Variants in USP18 observed in about 807,000 individuals in gnomAD.
USP18 encodes the protein ubiquitin specific peptidase 18, also known as ubl carboxyl-terminal hydrolase 18.
Under a neutral mutation model 48.7 loss-of-function variants are expected in USP18, and 11 were observed. That is an observed-to-expected ratio of 0.23 (90% CI 0.14 to 0.37). The LOEUF is 0.37. Ranked by LOEUF, USP18 falls within the 10% of genes least tolerant of loss-of-function variation. The probability of loss-of-function intolerance (pLI) is 1.00; values close to 1 mark genes in which losing one functional copy is unlikely to be tolerated. For missense variants in USP18, 285 were observed against 436.4 expected, an observed-to-expected ratio of 0.65 and a Z score of 3.09; for synonymous variants, 114 against 163.2, an observed-to-expected ratio of 0.70 and a Z score of 2.30.
intron 4 of USP18, among the ~76,000 whole-genome samples, chr22:18,163,183 G>A (rs868543169): frequency 5.9e-4 from 89 of 152,070 alleles, no homozygotes; most frequent in African/African-American, 2.1e-3. Context: ...GACATGGTAA[G>A]CATCTTCATG....
chr22:18,175,630 A>G (rs1272373641), intron 10 of USP18, among the ~76,000 whole-genome samples: 1 of 148,984 alleles, frequency 6.7e-6, no homozygotes, highest in Non-Finnish European at 1.5e-5. Flanking sequence ...GCAGCCGTAG[A>G]CAGTACATGG....
At chr22:18,162,040 T>A in intron 4 of USP18, 105 bp downstream of exon 4, 3 of 1,441,402 alleles carry the variant, frequency 2.1e-6, no homozygotes, top group Non-Finnish European at 2.8e-6. Context: ...AAGAAGCAAG[T>A]TAGGTAGCCT....
intron 1 of USP18, among the ~76,000 whole-genome samples, chr22:18,151,579 T>G (rs945606756): frequency 1.3e-4 from 20 of 152,114 alleles, no homozygotes; most frequent in African/African-American, 4.6e-4. Flanking sequence ...TTTTACACAA[T>G]GATGAGCTTA....
intron 7 of USP18, among the ~76,000 whole-genome samples, chr22:18,170,427 C>T (rs1367278052): frequency 2.0e-5 from 3 of 152,210 alleles, no homozygotes; most frequent in African/African-American, 7.2e-5. Context: ...AGAGGGACTG[C>T]AGGAGGGCGC....
chr22:18,166,213 T>C (rs1277708757), intron 4 of USP18, among the ~76,000 whole-genome samples: 3 of 152,224 alleles, frequency 2.0e-5, no homozygotes, highest in Non-Finnish European at 4.4e-5. Context: ...TAATCTGCTA[T>C]TGACCTCCTC....
chr22:18,167,314 C>G lies in USP18; in HGVS notation c.460C>G (p.Gln154Glu). 6.2e-7 allele frequency: 1 copy of G among 1,613,862 alleles called. No individual in the cohort carries two copies. Among genetic ancestry groups the G allele is most frequent in the Non-Finnish European group, 8.5e-7 (1 of 1,179,822 alleles). The change falls in exon 5 of 11, where the codon CAG (glutamine) becomes GAG (glutamate). Residue 154 changes from glutamine (Q) to glutamate (E), a missense_variant. By Grantham distance (29) the Gln-to-Glu change is conservative. This residue lies in a region of USP18 where 199 missense variants were observed against 239.6 expected (regional missense o/e 0.83). Coordinates refer to ENST00000215794, the MANE Select transcript of USP18 (RefSeq NM_017414.4). ...CAAACTCTGGAACCTGATTAAGGAC[C>G]AGATCACTGATGTGCACTTGGTAAG... The part of the protein sequence containing the change: ...YLKLWNLIKD[Q>E]ITDVHLVERL...
At chr22:18,154,617 T>C (rs577564241) in intron 1 of USP18, among the ~76,000 whole-genome samples, 1 of 151,964 alleles carries the variant, frequency 6.6e-6, no homozygotes, top group African/African-American at 2.4e-5. Flanking sequence ...CATCTAAATT[T>C]TTTTTTAGAG....
rs574128329 is a variant in USP18, at chr22:18,153,988, C to T, written c.-106-3570C>T. Among the ~76,000 whole-genome samples the T allele has an allele frequency of 7.3e-5, 11 of 151,626 alleles. No homozygotes were observed. The South Asian group carries it at 1.9e-3, about 26-fold the overall frequency. On this transcript the variant is annotated intron_variant, in intron 1 of 10. Coordinates refer to ENST00000215794, the MANE Select transcript of USP18 (RefSeq NM_017414.4). ...TTTTGATAGACACTTAGGTTGATTC[C>T]GTATCTCGGGTATTATGAGCAGTGC... is the stretch of plus-strand genomic sequence containing the variant.
chr22:18,156,326 A>C (rs921070486), intron 1 of USP18, among the ~76,000 whole-genome samples: 1 of 152,240 alleles, frequency 6.6e-6, no homozygotes, highest in Non-Finnish European at 1.5e-5. Context: ...AGATAAGAGA[A>C]TAAAAGCAGG....
intron 6 of USP18, 96 bp from the exon 7 acceptor site, chr22:18,169,748 A>G: frequency 3.6e-6 from 5 of 1,394,118 alleles, no homozygotes; most frequent in Non-Finnish European, 3.9e-6. Context: ...ACCCAGTCTC[A>G]GCTATTGTCT....
chr22:18,158,799 T>G (rs1210693701), intron 2 of USP18, among the ~76,000 whole-genome samples: 4 of 152,168 alleles, frequency 2.6e-5, no homozygotes, highest in African/African-American at 9.6e-5. Context: ...GGCAGAGACC[T>G]CTCCGCTGGA....
At chr22:18,158,684 A>G (rs1929236158) in intron 2 of USP18, among the ~76,000 whole-genome samples, 1 of 152,210 alleles carries the variant, frequency 6.6e-6, no homozygotes, top group Non-Finnish European at 1.5e-5. Context: ...TCGTATTCTT[A>G]TAAGTTCCTT....
chr22:18,157,894 C>T (rs1441001001), intron 2 of USP18, 74 bp downstream of exon 2: 11 of 1,575,652 alleles, frequency 7.0e-6, no homozygotes, highest in South Asian at 2.3e-5. Flanking sequence ...GCTCTGAAGC[C>T]GCAGAGCTTT....
At chr22:18,156,336 G>GT (rs1191072665) in intron 1 of USP18, among the ~76,000 whole-genome samples, 2 of 152,200 alleles carry the variant, frequency 1.3e-5, no homozygotes, top group Non-Finnish European at 2.9e-5. Flanking sequence ...ATAAAAGCAG[G>GT]CTGCCCGAGC....
At chr22:18,157,850 TTGACTGCA>T in intron 2 of USP18, 30 bp downstream of exon 2, 2 of 1,612,948 alleles carry the variant, frequency 1.2e-6, no homozygotes, top group South Asian at 1.1e-5. Context: ...TTTCCTCTTC[TTGACTGCA>T]TGTAAATGTT....
intron 1 of USP18, among the ~76,000 whole-genome samples, chr22:18,152,260 T>C (rs1209093918): frequency 6.6e-6 from 1 of 151,970 alleles, no homozygotes; most frequent in Non-Finnish European, 1.5e-5. Context: ...AGAGTCCAGT[T>C]GTGAGTGGAG....
intron 1 of USP18, among the ~76,000 whole-genome samples, chr22:18,153,644 T>C (rs1929055388): frequency 6.6e-6 from 1 of 152,144 alleles, no homozygotes; most frequent in South Asian, 2.1e-4. Flanking sequence ...TTAGGCAACA[T>C]GCTATGTTGC....
chr22:18,161,530 TC>T (rs1207717360), intron 3 of USP18, among the ~76,000 whole-genome samples: 5 of 35,972 alleles, frequency 1.4e-4, no homozygotes, highest in Admixed American at 1.3e-3. Flanking sequence ...GTCATGCTGA[TC>T]CCCCTCTCTA....
intron 1 of USP18, among the ~76,000 whole-genome samples, chr22:18,156,832 T>C (rs185794530): frequency 4.6e-5 from 7 of 152,236 alleles, no homozygotes; most frequent in Admixed American, 1.3e-4. Context: ...GGCTTCATTC[T>C]TGAAGTCAGT....
Sources: allele counts gnomAD v4.1 joint callset (sites outside exome capture counted in the v4.1 genomes callset), GRCh38; gene constraint gnomAD v4.1.1; regional missense constraint gnomAD v4.1.1; transcripts MANE v1.5; gene names NCBI Gene and HGNC (gene_info 2026-07-23, HGNC 2026-07-21).